Variants in BTN2A2 observed in about 807,000 individuals in gnomAD.
BTN2A2 encodes butyrophilin subfamily 2 member A2, also known as butyrophilin 2.
In BTN2A2, 29 loss-of-function variants were observed where a neutral mutation model predicts 34.7. That is an observed-to-expected ratio of 0.84 (90% CI 0.62 to 1.14). BTN2A2 has a LOEUF of 1.14. Among genes scored for constraint, BTN2A2 ranks in the 50% most tolerant of loss-of-function variants. The probability of loss-of-function intolerance (pLI) is 0.00; values close to 1 mark genes in which losing one functional copy is unlikely to be tolerated. For missense variants in BTN2A2, 612 were observed against 651.5 expected (o/e 0.94, Z 0.66); for synonymous variants, 240 against 253.1 (o/e 0.95, Z 0.49).
Position 26,390,229 on chromosome 6 carries a change from A to T in BTN2A2, c.931+18A>T. 6.2e-7 allele frequency: 1 copy of T among 1,607,020 alleles called. No homozygotes were observed. The highest frequency in any genetic ancestry group is 8.5e-7 in the Non-Finnish European group (1 of 1,175,994). On this transcript the variant is annotated intron_variant, in intron 5 of 7. Coordinates refer to ENST00000356709, the MANE Select transcript of BTN2A2 (RefSeq NM_006995.5). Reference sequence around the variant, plus strand: ...AATTGCACGTAAGGAATTTGTAAAGAAAGTGTGGAAAAATAGAAAGAAATT... The same window carrying T: ...AATTGCACGTAAGGAATTTGTAAAGTAAGTGTGGAAAAATAGAAAGAAATT...
At chr6:26,385,944 C>T (rs187554744) in intron 3 of BTN2A2, among the ~76,000 whole-genome samples, 13 of 152,328 alleles carry the variant, frequency 8.5e-5, no homozygotes, top group Admixed American at 8.5e-4. Context: ...TTATGCCTGC[C>T]TTGGCACTGA....
Position 26,392,545 on chromosome 6 carries a change from T to C in BTN2A2, c.1150T>C (p.Trp384Arg). ...GAGCTTCGCCTCAGGGAAACATTAC[T>C]GGGAGGTGGAGGTGGAAAACGTGAT... is the stretch of plus-strand genomic sequence containing the variant. ...WESFASGKHY[W>R]EVEVENVMVW... The change falls in exon 8 of 8, where the codon TGG (tryptophan) becomes CGG (arginine). Residue 384 changes from tryptophan (W) to arginine (R), a missense_variant. Trp to Arg is a moderately radical substitution (Grantham distance 101). Coordinates refer to ENST00000356709, the MANE Select transcript of BTN2A2 (RefSeq NM_006995.5). The C allele has an allele frequency of 1.2e-6, 2 of 1,614,138 alleles. No individual in the cohort carries two copies. The highest frequency in any genetic ancestry group is 2.2e-5 in the South Asian group (2 of 91,080).
rs749132477 is a variant in BTN2A2 at position 26,388,102 on chromosome 6, C to G, written c.532C>G (p.Pro178Ala). 6.2e-7 allele frequency: 1 copy of G among 1,614,098 alleles called. No homozygotes were observed. Residue 178 changes from proline (P) to alanine (A), a missense_variant, in exon 4 of 8, where the codon CCC (proline) becomes GCC (alanine). Coordinates refer to ENST00000356709, the MANE Select transcript of BTN2A2 (RefSeq NM_006995.5). ...ECISGGWYPEPLTVWRDPYGE... is the reference protein window; with the variant it reads ...ECISGGWYPEALTVWRDPYGE... ...CATATCTGGAGGGTGGTACCCAGAGCCCCTCACAGTGTGGAGGGACCCCTA... is the reference window on the plus strand; with the variant it reads ...CATATCTGGAGGGTGGTACCCAGAGGCCCTCACAGTGTGGAGGGACCCCTA...
rs769686692 is a variant in BTN2A2, at chr6:26,385,253, C to T, written c.333C>T (p.Ser111=). ...TFVSKDINRG[S]VALVIHNVTA... is the part of the protein sequence containing the mutation. ...TGAGCAAAGACATCAACAGGGGCAG[C>T]GTGGCCCTGGTCATACATAACGTCA... The change falls in exon 3 of 8, where the codon AGC becomes AGT. Residue 111 remains serine (S), a synonymous_variant. Transcript: ENST00000356709. 1.2e-5 allele frequency: 19 copies of T among 1,614,046 alleles called. No homozygotes were observed. Among genetic ancestry groups the T allele is most frequent in the Non-Finnish European group, 1.5e-5 (18 of 1,180,052 alleles).
At position 26,390,089 on chromosome 6, in the gene BTN2A2, T is replaced by A; in HGVS notation, c.809T>A (p.Val270Asp). ...TCTCCCTGGATGGTGTCCATGACTG[T>A]CATCCTGGCTGTTTTCATCATCTTC... is the stretch of plus-strand genomic sequence containing the variant. Reference protein sequence around the residue: ...TASPWMVSMTVILAVFIIFMA... With the variant: ...TASPWMVSMTDILAVFIIFMA... The change falls in exon 5 of 8, where the codon GTC (valine) becomes GAC (aspartate). Residue 270 changes from valine (V) to aspartate (D), a missense_variant. Transcript: ENST00000356709. 6.2e-7 allele frequency: 1 copy of A among 1,614,204 alleles called. No homozygotes were observed. Among genetic ancestry groups the A allele is most frequent in the Non-Finnish European group, 8.5e-7 (1 of 1,180,042 alleles).
intron 3 of BTN2A2, among the ~76,000 whole-genome samples, chr6:26,387,567 C>T (rs373330468): frequency 2.1e-5 from 1 of 47,174 alleles, no homozygotes; most frequent in Non-Finnish European, 4.1e-5. Context: ...CCCATCTCTA[C>T]AAAAAAAAAA....
chr6:26,390,990 C>T, intron 7 of BTN2A2, 161 bp downstream of exon 7: 1 of 1,063,902 alleles, frequency 9.4e-7, no homozygotes, highest in Non-Finnish European at 1.4e-6. Flanking sequence ...CATCATGGCT[C>T]TTCTGTCAGG....
rs2113737215 is a variant in BTN2A2 at position 26,383,996 on chromosome 6, A to G, written c.94+81A>G. The G allele has an allele frequency of 6.8e-7, 1 of 1,476,730 alleles. No homozygotes were observed. The allele number at this position is 1,476,730 out of a possible 1,614,324, so 91.5% of individuals were successfully genotyped here. A position where few individuals can be genotyped will look rare whatever the true frequency, so the allele number is the denominator to read the frequency against. On this transcript the variant is annotated intron_variant, in intron 2 of 7. Transcript: ENST00000356709. This position sits in a 1 kb window ranked among gnomAD's most constrained non-coding sequence, Gnocchi z 4.4. ...TAGTCTGCAAAGGGAAAGAAGGAAGAACTGTGGGGTTGTTGACTTATCCTT... is the reference window on the plus strand; with the variant it reads ...TAGTCTGCAAAGGGAAAGAAGGAAGGACTGTGGGGTTGTTGACTTATCCTT...
chr6:26,392,654 T>A lies in BTN2A2; in HGVS notation c.1259T>A (p.Leu420Gln). ...LLIPQNGFWT[L>Q]EMFGNQYRAL... is the part of the protein sequence containing the mutation. ...ATTCCTCAGAATGGCTTCTGGACCC[T>A]GGAGATGTTTGGAAACCAATACCGG... The change falls in exon 8 of 8, where the codon CTG (leucine) becomes CAG (glutamine). Residue 420 changes from leucine to glutamine, a missense_variant. Transcript: ENST00000356709. 6.2e-7 allele frequency: 1 copy of A among 1,614,206 alleles called. No homozygotes were observed. The highest frequency in any genetic ancestry group is 8.5e-7 in the Non-Finnish European group (1 of 1,180,028).
At chr6:26,391,235 G>A (rs1761559142) in intron 7 of BTN2A2, 3 of 257,272 alleles carry the variant, frequency 1.2e-5, no homozygotes, top group Admixed American at 9.8e-5. Context: ...ACCTATGTGA[G>A]GAAAAGGCCA....
Position 26,394,209 on chromosome 6 carries a change from A to C in BTN2A2, c.*1242A>C, listed in dbSNP as rs890994962. On this transcript the variant is annotated 3_prime_UTR_variant, in exon 8 of 8. Transcript: ENST00000356709. The stretch of plus-strand genomic sequence containing the variant: ...AACACTGGGGACTCCTTAAGAGTAC[A>C]TCAGAGTTCTCTCTAGGAATCCCAA... The C allele has an allele frequency of 3.3e-5, 23 of 691,448 alleles. No homozygotes were observed. The Admixed American group carries it at 4.5e-4, about 13-fold the overall frequency. 42.8% of individuals were successfully genotyped at this position (691,448 alleles called of 1,614,324 possible).
At position 26,393,180 on chromosome 6, in the gene BTN2A2, T is replaced by C. The variant is rs1248646230; in HGVS notation, c.*213T>C. 5.1e-6 allele frequency: 8 copies of C among 1,567,762 alleles called. No individual in the cohort carries two copies. The highest frequency in any genetic ancestry group is 1.4e-5 in the African/African-American group (1 of 73,748). ...TTAGTAGTTCCTTTGCTTGTAATTA[T>C]GGGATGGGATCCAGGCATAGGGAAC... On this transcript the variant is annotated 3_prime_UTR_variant, in exon 8 of 8. Transcript: ENST00000356709.
chr6:26,392,956 CAGAGCCTAT>C lies in BTN2A2; in HGVS notation c.1565_*1del. 1.2e-6 allele frequency: 2 copies of C among 1,614,154 alleles called. No homozygotes were observed. Among genetic ancestry groups the C allele is most frequent in the Non-Finnish European group, 1.7e-6 (2 of 1,180,018 alleles). On this transcript the variant is annotated stop_lost and inframe_deletion, in exon 8 of 8. Transcript: ENST00000356709. ...GAAACTTCACAGAGTGGGGACCCAC[CAGAGCCTAT>C]AGAATCAATTCCTTGGACTCACAGC...
intron 4 of BTN2A2, among the ~76,000 whole-genome samples, chr6:26,389,533 T>C (rs138911243): frequency 1.0e-3 from 157 of 152,312 alleles, no homozygotes; most frequent in African/African-American, 3.7e-3. Context: ...CTACGTTATA[T>C]ATGGCAGCAC....
In BTN2A2 at chr6:26,392,626, C is replaced by A. The variant is rs1277991010; in HGVS notation, c.1231C>A (p.Leu411Met). 4 of 1,614,200 alleles carry A rather than the reference C, an allele frequency of 2.5e-6. No homozygotes were observed. In the East Asian group the frequency reaches 8.9e-5, roughly 36 times the overall value. Residue 411 changes from leucine to methionine, a missense_variant, in exon 8 of 8, where the codon CTG becomes ATG. Coordinates refer to ENST00000356709, the MANE Select transcript of BTN2A2 (RefSeq NM_006995.5). The part of the protein sequence containing the change: ...HSVERKGEVL[L>M]IPQNGFWTLE... ...TGTTGAGAGGAAAGGGGAGGTCCTGCTGATTCCTCAGAATGGCTTCTGGAC... is the reference window on the plus strand; with the variant it reads ...TGTTGAGAGGAAAGGGGAGGTCCTGATGATTCCTCAGAATGGCTTCTGGAC...
In BTN2A2 at chr6:26,388,267, G is replaced by C; in HGVS notation, c.697G>C (p.Glu233Gln). ...TGTCAACAACACCCTGCTCGGCCAG[G>C]AGAAGGAAACTGTCATTTTTATTCC... ...CSVNNTLLGQ[E>Q]KETVIFIPES... is the part of the protein sequence containing the mutation. The change falls in exon 4 of 8, where the codon GAG becomes CAG. Residue 233 changes from glutamate to glutamine, a missense_variant. Physicochemically the swap from Glu to Gln is conservative, Grantham distance 29. Coordinates refer to ENST00000356709, the MANE Select transcript of BTN2A2 (RefSeq NM_006995.5). The C allele has an allele frequency of 6.2e-7, 1 of 1,614,168 alleles. No individual in the cohort carries two copies. Among genetic ancestry groups the C allele is most frequent in the Non-Finnish European group, 8.5e-7 (1 of 1,179,998 alleles).
chr6:26,393,068 T>C lies in BTN2A2; in HGVS notation c.*101T>C. Reference sequence around the variant, plus strand: ...AAAGACACGCCCTCCTCCCCTCTGGTCACGTAAGAGAACATCTTCCAGCTG... The same window carrying C: ...AAAGACACGCCCTCCTCCCCTCTGGCCACGTAAGAGAACATCTTCCAGCTG... On this transcript the variant is annotated 3_prime_UTR_variant, in exon 8 of 8. Transcript: ENST00000356709. The C allele has an allele frequency of 6.2e-7, 1 of 1,611,398 alleles. No homozygotes were observed. Among genetic ancestry groups the C allele is most frequent in the Non-Finnish European group, 8.5e-7 (1 of 1,178,592 alleles).
At chr6:26,387,982 C>A (rs1428998221) in intron 3 of BTN2A2, 31 bp from the exon 4 acceptor site, 4 of 1,590,318 alleles carry the variant, frequency 2.5e-6, no homozygotes, top group African/African-American at 2.7e-5. Context: ...ATACCACTGC[C>A]TTTTGGCTGA....
intron 4 of BTN2A2, among the ~76,000 whole-genome samples, chr6:26,389,271 G>A (rs191905729): frequency 6.6e-6 from 1 of 152,312 alleles, no homozygotes; most frequent in East Asian, 1.9e-4. Flanking sequence ...AGTTCCAGGG[G>A]TGTGAGGCAT....
Sources: allele counts gnomAD v4.1 joint callset (sites outside exome capture counted in the v4.1 genomes callset), GRCh38; gene constraint gnomAD v4.1.1; non-coding constraint Gnocchi (gnomAD v3.1); transcripts MANE v1.5; gene names NCBI Gene and HGNC (gene_info 2026-07-23, HGNC 2026-07-21).